The following ARHGAP42 variants were observed in gnomAD, a reference collection of about 807,000 sequenced individuals.
ARHGAP42 encodes the protein rho GTPase-activating protein 42.
Under a neutral mutation model 125.0 loss-of-function variants are expected in ARHGAP42, and 63 were observed. The observed-to-expected ratio is 0.50, with a 90% CI of 0.41 to 0.62. The LOEUF (loss-of-function observed/expected upper bound fraction) is 0.62, where lower values mean the gene tolerates loss of function less well. Ranked by LOEUF, ARHGAP42 falls within the 20% of genes least tolerant of loss-of-function variation. ARHGAP42 has a pLI of 0.00. For synonymous variants in ARHGAP42, 339 were observed against 351.0 expected, an observed-to-expected ratio of 0.97 and a Z score of 0.38; for missense variants, 766 against 1,024.2, an observed-to-expected ratio of 0.75 and a Z score of 3.44.
chr11:100,723,848 G>A (rs1861807685), intron 1 of ARHGAP42, among the ~76,000 whole-genome samples: 1 of 152,098 alleles, frequency 6.6e-6, no homozygotes, highest in South Asian at 2.1e-4. Context: ...TATGGAGAAA[G>A]CATCTAGTTT....
chr11:100,855,657 C>A (rs1865306604), intron 3 of ARHGAP42, among the ~76,000 whole-genome samples: 1 of 151,950 alleles, frequency 6.6e-6, no homozygotes, highest in Admixed American at 6.6e-5. Flanking sequence ...TTTATGTGCA[C>A]CCCCTTGTGG....
intron 16 of ARHGAP42, among the ~76,000 whole-genome samples, 157 bp from the exon 17 acceptor site, chr11:100,965,514 C>T (rs1271200339): frequency 6.6e-6 from 1 of 152,186 alleles, no homozygotes; most frequent in Non-Finnish European, 1.5e-5. Flanking sequence ...TACTCAACTT[C>T]TGCAAGCCAT....
chr11:100,911,459 C>G (rs1478143585), intron 4 of ARHGAP42, among the ~76,000 whole-genome samples: 1 of 151,758 alleles, frequency 6.6e-6, no homozygotes, highest in African/African-American at 2.4e-5. Context: ...TTTATTTGAG[C>G]TGGATGCTAA....
At chr11:100,905,171 A>G (rs1866688655) in intron 4 of ARHGAP42, among the ~76,000 whole-genome samples, 1 of 152,210 alleles carries the variant, frequency 6.6e-6, no homozygotes, top group South Asian at 2.1e-4. Flanking sequence ...TTAAAACAGA[A>G]ATCAATTATT....
At chr11:100,748,193 A>G (rs1033096350) in intron 1 of ARHGAP42, among the ~76,000 whole-genome samples, 1 of 152,230 alleles carries the variant, frequency 6.6e-6, no homozygotes, top group African/African-American at 2.4e-5. Context: ...CGTTCAGTCC[A>G]TATTAATTTA....
intron 4 of ARHGAP42, among the ~76,000 whole-genome samples, chr11:100,884,126 C>A (rs947297164): frequency 6.6e-6 from 1 of 152,082 alleles, no homozygotes; most frequent in Non-Finnish European, 1.5e-5. Flanking sequence ...ATGTGGTCTT[C>A]CCATTGGATC....
At chr11:100,727,066 C>A (rs541769783) in intron 1 of ARHGAP42, among the ~76,000 whole-genome samples, 1 of 152,160 alleles carries the variant, frequency 6.6e-6, no homozygotes, top group Non-Finnish European at 1.5e-5. Flanking sequence ...CACCTGCTGT[C>A]ATGTGTTTGA....
chr11:100,931,007 T>C (rs1391294294), intron 6 of ARHGAP42, among the ~76,000 whole-genome samples: 1 of 152,190 alleles, frequency 6.6e-6, no homozygotes, highest in African/African-American at 2.4e-5. Context: ...ATGAGATACC[T>C]TGGGAATTGG....
At chr11:100,737,284 A>C (rs1862086799) in intron 1 of ARHGAP42, among the ~76,000 whole-genome samples, 1 of 152,244 alleles carries the variant, frequency 6.6e-6, no homozygotes, top group Admixed American at 6.5e-5. Flanking sequence ...ACATGAATAC[A>C]AATGAAGCAA....
intron 1 of ARHGAP42, among the ~76,000 whole-genome samples, chr11:100,691,693 T>G (rs1320000744): frequency 6.6e-6 from 1 of 152,066 alleles, no homozygotes. Flanking sequence ...TTTTTGATAT[T>G]TTTTGTAGAG....
intron 1 of ARHGAP42, among the ~76,000 whole-genome samples, chr11:100,766,511 C>T (rs1051205129): frequency 6.6e-6 from 1 of 152,074 alleles, no homozygotes; most frequent in African/African-American, 2.4e-5. Context: ...AGAAACAGCT[C>T]TTCTGTTTTT....
chr11:100,876,257 G>T (rs1033222612), intron 4 of ARHGAP42, among the ~76,000 whole-genome samples: 6 of 152,110 alleles, frequency 3.9e-5, no homozygotes, highest in Admixed American at 6.5e-5. Flanking sequence ...TTTATTTCAA[G>T]TATTTTTATT....
chr11:100,744,966 C>G (rs899578636), intron 1 of ARHGAP42, among the ~76,000 whole-genome samples: 2 of 152,084 alleles, frequency 1.3e-5, no homozygotes, highest in African/African-American at 4.8e-5. Context: ...CTGTGTCGTT[C>G]CCCTATTGGC....
intron 3 of ARHGAP42, among the ~76,000 whole-genome samples, chr11:100,837,834 T>G (rs1248943560): frequency 1.3e-5 from 2 of 150,274 alleles, no homozygotes; most frequent in African/African-American, 2.4e-5. Context: ...TTGGCCATCT[T>G]GGATTTAATT....
intron 1 of ARHGAP42, among the ~76,000 whole-genome samples, chr11:100,752,637 C>A (rs1168134036): frequency 1.3e-5 from 2 of 152,220 alleles, no homozygotes; most frequent in Non-Finnish European, 2.9e-5. Flanking sequence ...TGTAACCTGT[C>A]CTCAACCCTC....
At chr11:100,807,708 T>C (rs1297061150) in intron 3 of ARHGAP42, among the ~76,000 whole-genome samples, 1 of 152,234 alleles carries the variant, frequency 6.6e-6, no homozygotes, top group African/African-American at 2.4e-5. Context: ...ACACCTGCAC[T>C]TCTGATCTCT....
intron 3 of ARHGAP42, chr11:100,840,432 G>C (rs1208883463): frequency 6.6e-6 from 1 of 152,154 alleles, no homozygotes; most frequent in Non-Finnish European, 1.5e-5. Context: ...AAGGATATAA[G>C]GGGCTTGATA....
At chr11:100,730,745 T>C (rs1166802528) in intron 1 of ARHGAP42, among the ~76,000 whole-genome samples, 6 of 152,262 alleles carry the variant, frequency 3.9e-5, no homozygotes, top group Non-Finnish European at 8.8e-5. Flanking sequence ...TGTCATTGTG[T>C]GAACATCATA....
intron 1 of ARHGAP42, among the ~76,000 whole-genome samples, chr11:100,712,503 A>G (rs1328946619): frequency 6.6e-6 from 1 of 152,210 alleles, no homozygotes; most frequent in African/African-American, 2.4e-5. Flanking sequence ...TGGTGATATT[A>G]AAGATATTTT....
Sources: allele counts gnomAD v4.1 joint callset (sites outside exome capture counted in the v4.1 genomes callset), GRCh38; gene constraint gnomAD v4.1.1; transcripts MANE v1.5; gene names NCBI Gene and HGNC (gene_info 2026-07-23, HGNC 2026-07-21).